Variants in CCNH observed in about 807,000 individuals in gnomAD.
CCNH encodes the protein cyclin H.
A neutral mutation model predicts 41.9 loss-of-function variants in CCNH; 31 were observed. That is an observed-to-expected ratio of 0.74 (90% CI 0.56 to 1.00). The LOEUF (loss-of-function observed/expected upper bound fraction) is 1.00, where lower values mean the gene tolerates loss of function less well. Among genes scored for constraint, CCNH ranks in the 50% least tolerant of loss-of-function variants. The pLI is 0.00. For missense variants in CCNH, 362 were observed against 388.4 expected (o/e 0.93, Z 0.57); for synonymous variants, 138 against 136.1 (o/e 1.01, Z -0.10).
chr5:87,343,452 G>C (rs987851890), intron 9 of CCNH, among the ~76,000 whole-genome samples: 2 of 151,984 alleles, frequency 1.3e-5, no homozygotes. Flanking sequence ...CTGCCAGCAG[G>C]TATATGAAAA....
chr5:87,354,316 G>A (rs1031077278), intron 9 of CCNH, among the ~76,000 whole-genome samples: 3 of 151,974 alleles, frequency 2.0e-5, no homozygotes, highest in African/African-American at 7.3e-5. Flanking sequence ...CGTCTATTGC[G>A]ACTGTTTTTC....
intron 9 of CCNH, among the ~76,000 whole-genome samples, chr5:87,360,123 A>AT (rs1759962456): frequency 1.4e-5 from 2 of 140,660 alleles, no homozygotes; most frequent in African/African-American, 2.7e-5. Flanking sequence ...ATCAAAATGC[A>AT]GTTTTTTTTT....
At chr5:87,393,604 T>A (rs1455999134), downstream of CCNH, 1 of 152,166 alleles carries the variant, frequency 6.6e-6, no homozygotes, top group Non-Finnish European at 1.5e-5. Context: ...CTCTAACATA[T>A]TTAATCTGCA....
chr5:87,365,189 G>T (rs904751752), intron 9 of CCNH, among the ~76,000 whole-genome samples: 2 of 152,090 alleles, frequency 1.3e-5, no homozygotes, highest in Non-Finnish European at 1.5e-5. Context: ...CAGTATAGGT[G>T]TCCCCTGAGA....
At chr5:87,360,446 A>G (rs1760000159) in intron 9 of CCNH, among the ~76,000 whole-genome samples, 2 of 152,162 alleles carry the variant, frequency 1.3e-5, no homozygotes, top group Non-Finnish European at 2.9e-5. Context: ...ATGGCTCATA[A>G]TTTTGTTGGA....
At chr5:87,357,190 T>C (rs1397766088) in intron 9 of CCNH, among the ~76,000 whole-genome samples, 2 of 152,016 alleles carry the variant, frequency 1.3e-5, no homozygotes, top group African/African-American at 4.8e-5. Context: ...CGCAGAGTAA[T>C]TGGAAGAGAA....
At chr5:87,409,792 C>T (rs1764088585) in intron 2 of CCNH, among the ~76,000 whole-genome samples, 1 of 152,140 alleles carries the variant, frequency 6.6e-6, no homozygotes, top group Admixed American at 6.6e-5. Context: ...TAAGCCTTCT[C>T]TCTAAAGCCA....
Position 87,339,432 on chromosome 5 carries a change from A to G in CCNH, c.*91-20535T>C, listed in dbSNP as rs150727095. ...ATTCGTACTGAAGCATCTTACTATG[A>G]TAGTTTTCCTATAAAATTTGTTAGT... On this transcript the variant is annotated intron_variant and NMD_transcript_variant, in intron 9 of 9. Coordinates refer to the CCNH transcript ENST00000645953. Among the ~76,000 whole-genome samples the G allele has an allele frequency of 2.6e-3, 403 of 152,272 alleles. 5 individuals are homozygous for G. The highest frequency in any genetic ancestry group is 7.9e-3 in the East Asian group (41 of 5,176).
intron 9 of CCNH, among the ~76,000 whole-genome samples, chr5:87,344,171 TAA>T (rs1465682954): frequency 1.3e-5 from 2 of 152,060 alleles, no homozygotes; most frequent in East Asian, 3.9e-4. Context: ...TAAAAATAAC[TAA>T]AAGAGTGGAA....
intron 9 of CCNH, among the ~76,000 whole-genome samples, chr5:87,384,733 T>C (rs1761949025): frequency 6.6e-6 from 1 of 152,158 alleles, no homozygotes; most frequent in South Asian, 2.1e-4. Flanking sequence ...ATTTACATCC[T>C]ACTATCTGTG....
chr5:87,318,736 C>T (rs954598331), exon 10 of CCNH: 1 of 152,132 alleles, frequency 6.6e-6, no homozygotes, highest in Non-Finnish European at 1.5e-5. Flanking sequence ...AGAGCCAAAC[C>T]ATATCATTCT....
intron 9 of CCNH, chr5:87,363,308 ATTG>A: frequency 6.6e-7 from 1 of 1,509,470 alleles, no homozygotes; most frequent in Non-Finnish European, 9.2e-7. Flanking sequence ...GGATTTCACA[ATTG>A]TTTGGCTAAG....
At chr5:87,385,163 C>A (rs995428097) in intron 9 of CCNH, 2 of 673,196 alleles carry the variant, frequency 3.0e-6, no homozygotes, top group South Asian at 3.4e-5. Context: ...AACATTTTTC[C>A]AAAAACATTC....
chr5:87,389,308 G>A (rs1339055677), downstream of CCNH: 55 of 1,542,466 alleles, frequency 3.6e-5, no homozygotes, highest in Non-Finnish European at 4.8e-5. Context: ...TTCAGCCTGG[G>A]CAACAAGAGC....
intron 9 of CCNH, among the ~76,000 whole-genome samples, chr5:87,340,672 A>C (rs888589875): frequency 6.6e-6 from 1 of 152,186 alleles, no homozygotes; most frequent in African/African-American, 2.4e-5. Context: ...GTTGATGTTC[A>C]CTTTTTACGG....
At chr5:87,410,644 T>C (rs1407798138) in intron 2 of CCNH, among the ~76,000 whole-genome samples, 1 of 152,170 alleles carries the variant, frequency 6.6e-6, no homozygotes, top group Non-Finnish European at 1.5e-5. Context: ...CCACTCTACC[T>C]TTTTTATCTT....
the CCNH span, among the ~76,000 whole-genome samples, chr5:87,313,166 TCTCAGTTTTTG>T: frequency 6.6e-6 from 1 of 152,216 alleles, no homozygotes; most frequent in African/African-American, 2.4e-5. Flanking sequence ...CACATTTCTA[TCTCAGTTTTTG>T]ATGTGATCAA....
chr5:87,380,681 T>C, upstream of CCNH: 1 of 1,242,662 alleles, frequency 8.0e-7, no homozygotes, highest in East Asian at 2.3e-5. Context: ...TACAATTCAA[T>C]GCTTTTTTCT....
intron 9 of CCNH, among the ~76,000 whole-genome samples, chr5:87,319,264 T>C (rs1756592943): frequency 6.6e-6 from 1 of 152,232 alleles, no homozygotes; most frequent in African/African-American, 2.4e-5. Flanking sequence ...TGGAGGATGA[T>C]GGCCCTCTTC....
Sources: gnomAD v4.1 joint callset for allele counts (sites outside exome capture counted in the v4.1 genomes callset) on GRCh38, gnomAD v4.1.1 for gene constraint, MANE v1.5 for transcripts, NCBI Gene and HGNC (gene_info 2026-07-23, HGNC 2026-07-21) for gene names.